The following PLEKHG1 variants were observed in gnomAD, a reference collection of about 807,000 sequenced individuals.
The protein encoded by PLEKHG1 is pleckstrin homology domain-containing family G member 1.
Under a neutral mutation model 100.8 loss-of-function variants are expected in PLEKHG1, and 44 were observed. The ratio of observed to expected loss-of-function variants is 0.44; its 90% CI spans 0.34 to 0.56. The LOEUF is 0.56. PLEKHG1 is among the 20% of genes least tolerant of loss of function. The pLI is 0.01. For missense variants in PLEKHG1, 1,545 were observed against 1,720.9 expected (o/e 0.90, Z 1.81); for synonymous variants, 640 against 662.5 (o/e 0.97, Z 0.52).
intron 2 of PLEKHG1, among the ~76,000 whole-genome samples, chr6:150,740,671 AC>A (rs1782809489): frequency 6.6e-6 from 1 of 152,154 alleles, no homozygotes; most frequent in South Asian, 2.1e-4. Context: ...TTAATAAGGA[AC>A]TTACACTGTG....
At chr6:150,749,917 C>A (rs1783397232) in intron 2 of PLEKHG1, among the ~76,000 whole-genome samples, 1 of 151,728 alleles carries the variant, frequency 6.6e-6, no homozygotes, top group Non-Finnish European at 1.5e-5. Flanking sequence ...ACTAAAAAGA[C>A]AAAAATGAGC....
chr6:150,646,788 A>G (rs150312528), intron 2 of PLEKHG1, among the ~76,000 whole-genome samples: 1,912 of 152,262 alleles, frequency 0.013, 34 homozygotes, highest in Admixed American at 0.056. Context: ...GATTTACGTG[A>G]TCAGATTTTA....
rs1780936279 is a variant in PLEKHG1, at chr6:150,704,740, C to T, written c.-98-28844C>T. On this transcript the variant is annotated intron_variant, in intron 3 of 3. Coordinates refer to the PLEKHG1 transcript ENST00000367326. ...CCAGCTTGGACTGCCATAACAATAACACAGACTGGTGGCTTAAATGACAGA... is the reference window on the plus strand; with the variant it reads ...CCAGCTTGGACTGCCATAACAATAATACAGACTGGTGGCTTAAATGACAGA... Among the ~76,000 whole-genome samples the T allele has an allele frequency of 1.3e-5, 2 of 152,266 alleles. 1 individual carries two copies. Among genetic ancestry groups the T allele is most frequent in the East Asian group, 3.8e-4 (2 of 5,206 alleles).
chr6:150,822,337 C>T (rs896598949), intron 13 of PLEKHG1, among the ~76,000 whole-genome samples: 3 of 152,026 alleles, frequency 2.0e-5, no homozygotes, highest in African/African-American at 7.3e-5. Context: ...CACTCCAAAA[C>T]TGTTGGTGGG....
chr6:150,758,874 G>C (rs563669122), intron 2 of PLEKHG1, among the ~76,000 whole-genome samples: 3 of 152,156 alleles, frequency 2.0e-5, no homozygotes, highest in African/African-American at 7.2e-5. Flanking sequence ...TTTCTGATTT[G>C]TCTTCATTTC....
intron 3 of PLEKHG1, among the ~76,000 whole-genome samples, chr6:150,706,412 G>A (rs1267819413): frequency 1.3e-5 from 2 of 150,734 alleles, no homozygotes; most frequent in East Asian, 2.0e-4. Context: ...CCAGGTGTTT[G>A]AGACCAGCTG....
chr6:150,770,075 C>G (rs962447839), intron 3 of PLEKHG1, among the ~76,000 whole-genome samples: 1 of 152,060 alleles, frequency 6.6e-6, no homozygotes, highest in Non-Finnish European at 1.5e-5. Flanking sequence ...GTGAAGCTCC[C>G]GTGAACTGAT....
intron 2 of PLEKHG1, among the ~76,000 whole-genome samples, chr6:150,640,944 G>A (rs1279011917): frequency 6.6e-6 from 1 of 152,082 alleles, no homozygotes; most frequent in Non-Finnish European, 1.5e-5. Context: ...TAATTTTATG[G>A]CAGGAGTACT....
At chr6:150,739,495 C>A (rs1229117374) in intron 2 of PLEKHG1, among the ~76,000 whole-genome samples, 1 of 151,972 alleles carries the variant, frequency 6.6e-6, no homozygotes, top group Non-Finnish European at 1.5e-5. Flanking sequence ...TGGTGAAACT[C>A]CATCTCTACT....
At chr6:150,655,332 C>A (rs576239774) in intron 3 of PLEKHG1, among the ~76,000 whole-genome samples, 1 of 152,136 alleles carries the variant, frequency 6.6e-6, no homozygotes, top group Non-Finnish European at 1.5e-5. Context: ...CACATGCACA[C>A]GTATATTTAT....
chr6:150,682,776 G>C (rs1202419734), intron 3 of PLEKHG1, among the ~76,000 whole-genome samples: 1 of 152,156 alleles, frequency 6.6e-6, no homozygotes, highest in East Asian at 1.9e-4. Flanking sequence ...AGTGCAGCCA[G>C]ATCATGCCTG....
rs1785505860 is a variant in PLEKHG1, at chr6:150,784,676, GA to G, written c.513-1712del. ...CACCAAGAAAGAAATGCAAAGCATA[GA>G]ATATCTGATATTTGAACACAGTGAG... is the stretch of plus-strand genomic sequence containing the variant. On this transcript the variant is annotated intron_variant, in intron 3 of 15. Coordinates refer to ENST00000358517, the Ensembl canonical transcript of PLEKHG1. 3.3e-5 allele frequency among the ~76,000 whole-genome samples: 5 copies of G among 152,096 alleles called. No homozygotes were observed. The South Asian group carries it at 1.0e-3, about 32-fold the overall frequency.
chr6:150,725,039 C>A (rs1183818799), intron 1 of PLEKHG1, among the ~76,000 whole-genome samples: 1 of 152,140 alleles, frequency 6.6e-6, no homozygotes, highest in Admixed American at 6.5e-5. Flanking sequence ...GCTGCTGTAA[C>A]AAAATAGCTT....
At position 150,809,637 on chromosome 6, in the gene PLEKHG1, C is replaced by T. The variant is rs554078892; in HGVS notation, c.1192-11C>T. 30 of 1,610,870 alleles carry T rather than the reference C, an allele frequency of 1.9e-5. No individual in the cohort carries two copies. In the Admixed American group the frequency reaches 4.0e-4, roughly 21 times the overall value. On this transcript the variant is annotated splice_polypyrimidine_tract_variant and intron_variant, in intron 9 of 15. Transcript: ENST00000358517. ...TCAAGTTGTCTGACTGTCTACATCT[C>T]GTCTTGGCAGGCCAAATCCCAGCAA... is the stretch of plus-strand genomic sequence containing the variant.
intron 2 of PLEKHG1, among the ~76,000 whole-genome samples, chr6:150,738,620 T>C (rs2128620782): frequency 6.6e-6 from 1 of 152,328 alleles, no homozygotes. Context: ...TCCTAATGCT[T>C]TCTGAAAGTT....
At chr6:150,798,292 A>G (rs1234894488) in intron 5 of PLEKHG1, among the ~76,000 whole-genome samples, 1 of 152,212 alleles carries the variant, frequency 6.6e-6, no homozygotes, top group Non-Finnish European at 1.5e-5. Context: ...TCCAGATCCA[A>G]TTATGAGAAT....
intron 9 of PLEKHG1, 39 bp downstream of exon 10, chr6:150,809,515 G>A (rs780934479): frequency 6.5e-7 from 1 of 1,545,456 alleles, no homozygotes; most frequent in African/African-American, 1.4e-5. Flanking sequence ...AGGCCCCTTT[G>A]TGTAATGATG....
intron 2 of PLEKHG1, among the ~76,000 whole-genome samples, chr6:150,640,913 A>T (rs953894841): frequency 6.6e-6 from 1 of 152,202 alleles, no homozygotes; most frequent in African/African-American, 2.4e-5. Flanking sequence ...GAATATTTAG[A>T]TCAGAAAGTG....
intron 3 of PLEKHG1, chr6:150,662,863 A>G (rs956587100): frequency 6.6e-6 from 1 of 152,216 alleles, no homozygotes; most frequent in Non-Finnish European, 1.5e-5. Flanking sequence ...ACAAGTGTCA[A>G]CTATGTATTT....
Sources: allele counts gnomAD v4.1 joint callset (sites outside exome capture counted in the v4.1 genomes callset), GRCh38; gene constraint gnomAD v4.1.1; transcripts MANE v1.5; gene names NCBI Gene and HGNC (gene_info 2026-07-23, HGNC 2026-07-21).